Variants in PCM1 observed in about 807,000 individuals in gnomAD.
PCM1 encodes pericentriolar material 1 protein.
PCM1 carries 157 observed loss-of-function variants against 241.9 expected under a neutral mutation model. The observed-to-expected ratio is 0.65, with a 90% CI of 0.57 to 0.74. The LOEUF (loss-of-function observed/expected upper bound fraction) is 0.74, where lower values mean the gene tolerates loss of function less well. PCM1 is among the 30% of genes least tolerant of loss of function. The pLI is 0.00. For synonymous variants in PCM1, 1,085 were observed against 784.9 expected (o/e 1.38, Z -6.39); for missense variants, 3,478 against 2,360.1 (o/e 1.47, Z -9.81).
intron 27 of PCM1, 70 bp from the exon 28 acceptor site, chr8:17,991,472 A>G: frequency 2.3e-6 from 3 of 1,304,204 alleles, no homozygotes; most frequent in South Asian, 1.4e-5. Context: ...TTTTTTATTA[A>G]TGCATTTTGA....
chr8:17,930,219 G>GCCT (rs1456570816), intron 2 of PCM1, among the ~76,000 whole-genome samples: 3 of 149,638 alleles, frequency 2.0e-5, no homozygotes, highest in Admixed American at 6.7e-5. Flanking sequence ...TTCTGCCTCA[G>GCCT]CCTCCCGAGT....
At chr8:17,987,644 A>T (rs2083051341) in intron 26 of PCM1, among the ~76,000 whole-genome samples, 1 of 151,870 alleles carries the variant, frequency 6.6e-6, no homozygotes, top group Non-Finnish European at 1.5e-5. Flanking sequence ...TTTCTTCCAA[A>T]ACTTAAATTC....
At position 17,955,458 on chromosome 8, in the gene PCM1, TGCC is replaced by T; in HGVS notation, c.1289-11_1289-9del. The stretch of plus-strand genomic sequence containing the variant: ...GATTAAAAAAAATTTTTTGTTGTTG[TGCC>T]TTCTTCAGCCTCTCCACAAAGGAGT... On this transcript the variant is annotated splice_polypyrimidine_tract_variant and intron_variant, in intron 9 of 38. Transcript: ENST00000325083. 1 of 1,553,510 alleles carries T rather than the reference TGCC, an allele frequency of 6.4e-7. No individual in the cohort carries two copies. Among genetic ancestry groups the T allele is most frequent in the Admixed American group, 2.1e-5 (1 of 48,040 alleles).
chr8:18,018,838 A>ATG lies in PCM1; in HGVS notation c.5841+4012_5841+4013dup, dbSNP rs150553994. Among the ~76,000 whole-genome samples the ATG allele has an allele frequency of 1.4e-3, 174 of 122,898 alleles. 1 individual carries two copies. The highest frequency in any genetic ancestry group is 1.8e-3 in the Non-Finnish European group (113 of 62,750). 80.6% of individuals were successfully genotyped at this position (122,898 alleles called of 152,430 possible). A position where few individuals can be genotyped will look rare whatever the true frequency, so the allele number is the denominator to read the frequency against. The stretch of plus-strand genomic sequence containing the variant: ...AAAAAAAAAATATGTATATATATAT[A>ATG]TGTGTGTGTGTGTGTATATATATAT... On this transcript the variant is annotated intron_variant, in intron 36 of 38. Coordinates refer to ENST00000325083, the MANE Select transcript of PCM1 (RefSeq NM_006197.4).
In PCM1 at chr8:17,989,972, T is replaced by C. The variant is rs937404307; in HGVS notation, c.4524T>C (p.Asp1508=). ...VSSNFEPFAT[D]DLGNTVIHLD... ...CAAATTTTGAGCCTTTTGCAACAGA[T>C]GATCTAGGTAAGCAGAATTGTTTAT... is the stretch of plus-strand genomic sequence containing the variant. Residue 1508 remains aspartate (D), a synonymous_variant, in exon 27 of 39, where the codon GAT becomes GAC. Transcript: ENST00000325083. 2 of 1,532,610 alleles carry C rather than the reference T, an allele frequency of 1.3e-6. No individual in the cohort carries two copies. Among genetic ancestry groups the C allele is most frequent in the African/African-American group, 2.8e-5 (2 of 72,410 alleles). 94.9% of individuals were successfully genotyped at this position (1,532,610 alleles called of 1,614,324 possible).
chr8:17,924,780 G>T lies in PCM1; in HGVS notation c.-23G>T, dbSNP rs1359461903. 6.6e-6 allele frequency: 1 copy of T among 152,182 alleles called. No homozygotes were observed. The highest frequency in any genetic ancestry group is 6.5e-5 in the Admixed American group (1 of 15,278). The allele number at this position is 152,182 out of a possible 1,614,324, so 9.4% of individuals were successfully genotyped here. A position where few individuals can be genotyped will look rare whatever the true frequency, so the allele number is the denominator to read the frequency against. ...AGCTGCAAAAACTAGTTTCTAAACA[G>T]GTAATTTGACATTATTATCTGTATT... On this transcript the variant is annotated splice_region_variant and 5_prime_UTR_variant, in exon 2 of 39. Transcript: ENST00000325083.
At chr8:17,965,930 A>T in intron 18 of PCM1, 69 bp from the exon 19 acceptor site, 1 of 1,030,036 alleles carries the variant, frequency 9.7e-7, no homozygotes, top group Non-Finnish European at 1.4e-6. Context: ...TGAGTATCAG[A>T]GTTTATTGCT....
chr8:18,005,230 A>G (rs144723311), intron 29 of PCM1, among the ~76,000 whole-genome samples: 41 of 152,240 alleles, frequency 2.7e-4, no homozygotes, highest in African/African-American at 9.4e-4. Context: ...ATAAATAAGA[A>G]TACCTGCAGT....
intron 36 of PCM1, among the ~76,000 whole-genome samples, chr8:18,018,846 G>GTGTA (rs1554778255): frequency 3.0e-4 from 18 of 60,038 alleles, no homozygotes; most frequent in African/African-American, 9.0e-4. Context: ...ATATGTGTGT[G>GTGTA]TGTGTGTATA....
At chr8:17,972,266 G>T (rs983204139) in intron 22 of PCM1, 63 bp from the exon 23 acceptor site, 7 of 894,038 alleles carry the variant, frequency 7.8e-6, no homozygotes, top group East Asian at 2.7e-5. Flanking sequence ...TATAAATTCA[G>T]TGTATTTGGA....
intron 23 of PCM1, among the ~76,000 whole-genome samples, chr8:17,976,285 A>G (rs1318643102): frequency 3.9e-5 from 6 of 152,312 alleles, no homozygotes; most frequent in African/African-American, 1.4e-4. Flanking sequence ...GAAAAGAGTG[A>G]CACCGAAATA....
intron 22 of PCM1, 82 bp from the exon 23 acceptor site, chr8:17,972,247 C>CAG (rs34990698): frequency 5.4e-6 from 4 of 743,054 alleles, no homozygotes; most frequent in East Asian, 2.8e-5. Context: ...TAAATCTACT[C>CAG]GAGTAGACTA....
intron 21 of PCM1, 143 bp downstream of exon 21, chr8:17,967,313 T>C: frequency 1.6e-6 from 1 of 628,890 alleles, no homozygotes; most frequent in Admixed American, 3.5e-5. Flanking sequence ...CTCTTTTTTT[T>C]TTTTTTCTTT....
intron 26 of PCM1, among the ~76,000 whole-genome samples, chr8:17,989,008 T>C (rs2083535174): frequency 6.6e-6 from 1 of 152,004 alleles, no homozygotes; most frequent in African/African-American, 2.4e-5. Flanking sequence ...ACATTAATGT[T>C]CATAGCATCT....
At position 18,029,405 on chromosome 8, in the gene PCM1, ACACT is replaced by A. The variant is rs10604052; in HGVS notation, c.*1746_*1749del. 11,611 of 217,734 alleles carry A rather than the reference ACACT, an allele frequency of 0.053. 1,330 individuals carry two copies. The highest frequency in any genetic ancestry group is 0.24 in the African/African-American group (10,840 of 44,402). 13.5% of individuals were successfully genotyped at this position (217,734 alleles called of 1,614,324 possible). The stretch of plus-strand genomic sequence containing the variant: ...TGGAACAATAAGTTATGTTACATGC[ACACT>A]CAAATTCTTTATTTTCTCCACTTTA... On this transcript the variant is annotated 3_prime_UTR_variant, in exon 39 of 39. Coordinates refer to ENST00000325083, the MANE Select transcript of PCM1 (RefSeq NM_006197.4).
In PCM1 at chr8:18,006,246, A is replaced by G. The variant is rs1460626434; in HGVS notation, c.4828-17A>G. 8 of 1,584,830 alleles carry G rather than the reference A, an allele frequency of 5.0e-6. No individual in the cohort carries two copies. The highest frequency in any genetic ancestry group is 1.8e-5 in the Admixed American group (1 of 55,820). ...AATAGGTAAGTTTATATTCTAACCA[A>G]CTAGGATTTTTCTCAGGAGCACATG... On this transcript the variant is annotated splice_polypyrimidine_tract_variant and intron_variant, in intron 29 of 38. Coordinates refer to ENST00000325083, the MANE Select transcript of PCM1 (RefSeq NM_006197.4).
rs377186478 is a variant in PCM1, at chr8:18,010,560, A to T, written c.5161-49A>T. ...GCTGAGACATGAGAAATGCTAAATTATGTATCTAAGTATGTTGCTAAATTC... is the reference window on the plus strand; with the variant it reads ...GCTGAGACATGAGAAATGCTAAATTTTGTATCTAAGTATGTTGCTAAATTC... On this transcript the variant is annotated intron_variant, in intron 31 of 38. Transcript: ENST00000325083. The T allele has an allele frequency of 1.4e-5, 19 of 1,361,180 alleles. No homozygotes were observed. The African/African-American group carries it at 2.3e-4, about 16-fold the overall frequency. 84.3% of individuals were successfully genotyped at this position (1,361,180 alleles called of 1,614,324 possible).
intron 21 of PCM1, among the ~76,000 whole-genome samples, chr8:17,968,162 A>C (rs138764117): frequency 8.9e-4 from 136 of 152,332 alleles, no homozygotes; most frequent in Non-Finnish European, 1.5e-3. Flanking sequence ...AGAGTTATAA[A>C]GCAATGAAAT....
chr8:17,960,850 A>G (rs1032920929), intron 15 of PCM1, among the ~76,000 whole-genome samples: 6 of 152,026 alleles, frequency 3.9e-5, no homozygotes, highest in Non-Finnish European at 2.9e-5. Flanking sequence ...ACAGAATTAT[A>G]TCTAGTAATT....
Sources: allele counts gnomAD v4.1 joint callset (sites outside exome capture counted in the v4.1 genomes callset), GRCh38; gene constraint gnomAD v4.1.1; transcripts MANE v1.5; gene names NCBI Gene and HGNC (gene_info 2026-07-23, HGNC 2026-07-21).